Variants in DSCAM observed in about 807,000 individuals in gnomAD.
DSCAM encodes the protein DS cell adhesion molecule, also known as cell adhesion molecule DSCAM.
DSCAM carries 47 observed loss-of-function variants against 217.7 expected under a neutral mutation model. The observed-to-expected ratio is 0.22, with a 90% confidence interval of 0.17 to 0.28. The LOEUF (loss-of-function observed/expected upper bound fraction) is 0.28. Ranked by LOEUF, DSCAM falls within the 10% of genes least tolerant of loss-of-function variation. The pLI is 1.00. For synonymous variants in DSCAM, 1,056 were observed against 1,015.3 expected (o/e 1.04, Z -0.76); for missense variants, 2,080 against 2,618.3 (o/e 0.79, Z 4.49).
At chr21:40,368,718 G>A (rs1411739622) in intron 4 of DSCAM, among the ~76,000 whole-genome samples, 1 of 152,146 alleles carries the variant, frequency 6.6e-6, no homozygotes, top group African/African-American at 2.4e-5. Flanking sequence ...ACCACAGGGG[G>A]GCAATTTTAT....
chr21:40,182,148 T>A (rs565608311), intron 14 of DSCAM, among the ~76,000 whole-genome samples: 1 of 152,192 alleles, frequency 6.6e-6, no homozygotes, highest in East Asian at 1.9e-4. Flanking sequence ...AAGACCAGAA[T>A]GAGTGAAGGT....
Position 40,670,461 on chromosome 21 carries a change from C to A in DSCAM, c.508+22349G>T, listed in dbSNP as rs567204699. Among the ~76,000 whole-genome samples, 3 of 150,786 alleles carry A rather than the reference C, an allele frequency of 2.0e-5. No homozygotes were observed. In the East Asian group the frequency reaches 5.9e-4, roughly 30 times the overall value. On this transcript the variant is annotated intron_variant, in intron 3 of 32. Transcript: ENST00000400454. The stretch of plus-strand genomic sequence containing the variant: ...GCTGAGGCAGGGGAATCGCTTGAAC[C>A]CGGGAGGCGGAGGTTGCAGTGAGCC...
intron 3 of DSCAM, among the ~76,000 whole-genome samples, chr21:40,483,522 A>G (rs2076000017): frequency 6.6e-6 from 1 of 152,196 alleles, no homozygotes; most frequent in South Asian, 2.1e-4. Context: ...TATTATTGTG[A>G]GGATCAACAA....
At chr21:40,049,726 G>A (rs1188727247) in intron 30 of DSCAM, among the ~76,000 whole-genome samples, 1 of 152,160 alleles carries the variant, frequency 6.6e-6, no homozygotes, top group East Asian at 1.9e-4. Context: ...ATAGCCATGA[G>A]ATACACACAC....
At chr21:40,765,097 CAG>C (rs1491492674) in intron 1 of DSCAM, among the ~76,000 whole-genome samples, 2 of 79,514 alleles carry the variant, frequency 2.5e-5, no homozygotes, top group Non-Finnish European at 5.5e-5. Flanking sequence ...ACATGTATCA[CAG>C]AAAAAAAAAA....
At chr21:40,029,122 T>A (rs2088465924) in intron 32 of DSCAM, among the ~76,000 whole-genome samples, 2 of 85,942 alleles carry the variant, frequency 2.3e-5, no homozygotes, top group Non-Finnish European at 5.0e-5. Flanking sequence ...AGTTTAACAA[T>A]TTTTTTTCCT....
intron 3 of DSCAM, among the ~76,000 whole-genome samples, chr21:40,378,874 T>C (rs964246199): frequency 6.6e-6 from 1 of 152,084 alleles, no homozygotes; most frequent in South Asian, 2.1e-4. Context: ...ATTACAGGCG[T>C]GAGCCACCGC....
At chr21:40,385,814 T>G (rs1318543619) in intron 3 of DSCAM, among the ~76,000 whole-genome samples, 2 of 151,776 alleles carry the variant, frequency 1.3e-5, no homozygotes, top group African/African-American at 4.9e-5. Context: ...AGAAGAAAAA[T>G]CTGATAAGCC....
Position 40,078,795 on chromosome 21 carries a change from G to A in DSCAM, c.4603C>T (p.Leu1535=). 6.2e-7 allele frequency: 1 copy of A among 1,614,252 alleles called. No homozygotes were observed. Among genetic ancestry groups the A allele is most frequent in the Non-Finnish European group, 8.5e-7 (1 of 1,180,054 alleles). ...QRTSLSKSYI[L]YDLQEATWYE... Reference sequence around the variant, plus strand: ...CAGGTGGCTTCCTGCAGGTCATACAGGATGTAGGACTTGGAGAGAGAGGTC... The same window carrying A: ...CAGGTGGCTTCCTGCAGGTCATACAAGATGTAGGACTTGGAGAGAGAGGTC... Residue 1535 remains leucine (L), a synonymous_variant, in exon 26 of 33, where the codon CTG becomes TTG. Transcript: ENST00000400454.
intron 5 of DSCAM, among the ~76,000 whole-genome samples, chr21:40,349,870 C>G (rs2074609838): frequency 6.6e-6 from 1 of 152,088 alleles, no homozygotes; most frequent in South Asian, 2.1e-4. Context: ...TTAAAGCAGA[C>G]AGCAAAAATG....
At chr21:40,390,631 T>G (rs1286637816) in intron 3 of DSCAM, among the ~76,000 whole-genome samples, 3 of 152,224 alleles carry the variant, frequency 2.0e-5, no homozygotes, top group African/African-American at 7.2e-5. Context: ...CAAGGGAAGA[T>G]CTTCCCTTCT....
intron 16 of DSCAM, among the ~76,000 whole-genome samples, chr21:40,148,638 A>G (rs2090386124): frequency 6.6e-6 from 1 of 151,952 alleles, no homozygotes; most frequent in Non-Finnish European, 1.5e-5. Context: ...ATCAATGCTT[A>G]CCACCTCTGC....
intron 3 of DSCAM, among the ~76,000 whole-genome samples, chr21:40,563,599 TATA>T (rs1364815310): frequency 1.3e-4 from 15 of 111,856 alleles, no homozygotes; most frequent in East Asian, 9.3e-4. Flanking sequence ...GTTTATATGT[TATA>T]TATATGTTTA....
Position 40,376,537 on chromosome 21 carries a change from CG to C in DSCAM, c.509-7293del, listed in dbSNP as rs1159431948. Among the ~76,000 whole-genome samples, 5 of 86,344 alleles carry C rather than the reference CG, an allele frequency of 5.8e-5. 1 individual carries two copies. The highest frequency in any genetic ancestry group is 2.5e-4 in the African/African-American group (5 of 20,110). 56.6% of individuals were successfully genotyped at this position (86,344 alleles called of 152,430 possible). ...ATATCTATATATCTTATATAGATAT[CG>C]ATATATCTTATATCGATATCTATAT... On this transcript the variant is annotated intron_variant, in intron 3 of 32. Transcript: ENST00000400454.
Position 40,078,886 on chromosome 21 carries a change from G to A in DSCAM, c.4512C>T (p.Cys1504=), listed in dbSNP as rs764428260. The A allele has an allele frequency of 3.7e-6, 6 of 1,614,150 alleles. No homozygotes were observed. In the East Asian group the frequency reaches 6.7e-5, roughly 18 times the overall value. The change falls in exon 26 of 33, where the codon TGC becomes TGT. Residue 1504 remains cysteine, a synonymous_variant. Transcript: ENST00000400454. The stretch of plus-strand genomic sequence containing the variant: ...ACTCTAGTGTGAAGGAGGTGATGGG[G>A]CAGCCGCCATCATTCCAGCCAATGA... The part of the protein sequence containing the change: ...LNLIGWNDGG[C]PITSFTLEYR...
chr21:40,421,640 C>T (rs760782716), intron 3 of DSCAM, among the ~76,000 whole-genome samples: 15 of 152,302 alleles, frequency 9.8e-5, no homozygotes, highest in South Asian at 2.1e-4. Context: ...TTTGAATTTC[C>T]GCCATCAAGG....
At chr21:40,640,163 C>T (rs1366199045) in intron 3 of DSCAM, among the ~76,000 whole-genome samples, 1 of 152,162 alleles carries the variant, frequency 6.6e-6, no homozygotes, top group African/African-American at 2.4e-5. Context: ...AGAGAAGTGG[C>T]AGAGAGGAAA....
intron 10 of DSCAM, among the ~76,000 whole-genome samples, chr21:40,277,765 G>A (rs2073707218): frequency 6.6e-6 from 1 of 150,436 alleles, no homozygotes. Flanking sequence ...AGCTACTTGA[G>A]AGGCTGAGGC....
At chr21:40,499,232 A>G (rs577262444) in intron 3 of DSCAM, among the ~76,000 whole-genome samples, 4 of 152,206 alleles carry the variant, frequency 2.6e-5, no homozygotes, top group Non-Finnish European at 5.9e-5. Flanking sequence ...ATATACCACA[A>G]TAGAGTAAAA....
Sources: allele counts gnomAD v4.1 joint callset (sites outside exome capture counted in the v4.1 genomes callset), GRCh38; gene constraint gnomAD v4.1.1; transcripts MANE v1.5; gene names NCBI Gene and HGNC (gene_info 2026-07-23, HGNC 2026-07-21).